Variants in NEDD4L observed in about 807,000 individuals in gnomAD.
The protein encoded by NEDD4L is NEDD4 like E3 ubiquitin protein ligase, also known as E3 ubiquitin-protein ligase NEDD4-like.
Under a neutral mutation model 148.9 loss-of-function variants are expected in NEDD4L, and 54 were observed. The ratio of observed to expected loss-of-function variants is 0.36; its 90% confidence interval spans 0.29 to 0.45. The LOEUF (loss-of-function observed/expected upper bound fraction) is 0.45. Ranked by LOEUF, NEDD4L falls within the 20% of genes least tolerant of loss-of-function variation. The pLI is 1.00. For missense variants in NEDD4L, 856 were observed against 1,233.8 expected (o/e 0.69, Z 4.59); for synonymous variants, 433 against 440.7 (o/e 0.98, Z 0.22).
At chr18:58,231,903 T>C (rs71355688) in intron 2 of NEDD4L, among the ~76,000 whole-genome samples, 15,670 of 152,188 alleles carry the variant, frequency 0.1, 1,059 homozygotes, top group East Asian at 0.36. Flanking sequence ...TCCCACCTAA[T>C]AGAAAGTCGG....
intron 1 of NEDD4L, among the ~76,000 whole-genome samples, chr18:58,158,323 C>T (rs1353664956): frequency 6.6e-6 from 1 of 152,210 alleles, no homozygotes; most frequent in Non-Finnish European, 1.5e-5. Context: ...AAGTCACACA[C>T]TGTCACCTCT....
At chr18:58,084,671 T>TTTTGTGTG (rs1555686018) in intron 1 of NEDD4L, among the ~76,000 whole-genome samples, 23 of 133,824 alleles carry the variant, frequency 1.7e-4, no homozygotes, top group Non-Finnish European at 2.7e-4. Context: ...TGTGGGGTTT[T>TTTTGTGTG]TGTGTGTGTG....
Position 58,390,815 on chromosome 18 carries a change from C to T in NEDD4L, c.2752+73C>T. On this transcript the variant is annotated intron_variant, in intron 29 of 30. Transcript: ENST00000400345. The stretch of plus-strand genomic sequence containing the variant: ...CCAGGCATGAACTCTGGCCCAAGAA[C>T]CCTGCCGCCAGGCCTCTGCAGAAGG... The T allele has an allele frequency of 2.8e-6, 3 of 1,090,770 alleles. No individual in the cohort carries two copies. In the Middle Eastern group the frequency reaches 6.2e-4, roughly 224 times the overall value. The allele number at this position is 1,090,770 out of a possible 1,614,324, so 67.6% of individuals were successfully genotyped here.
intron 2 of NEDD4L, among the ~76,000 whole-genome samples, chr18:58,233,219 A>G (rs529756608): frequency 5.3e-5 from 8 of 151,942 alleles, no homozygotes; most frequent in Admixed American, 1.3e-4. Flanking sequence ...TAATCAAACT[A>G]ATAATAATAA....
At chr18:58,316,147 A>C in intron 6 of NEDD4L, 115 bp downstream of exon 6, 1 of 845,960 alleles carries the variant, frequency 1.2e-6, no homozygotes, top group Admixed American at 2.0e-5. Flanking sequence ...GGCTGAAATG[A>C]AGCACGTGTG....
At chr18:58,072,705 T>C (rs180785994) in intron 1 of NEDD4L, among the ~76,000 whole-genome samples, 122 of 152,330 alleles carry the variant, frequency 8.0e-4, no homozygotes, top group African/African-American at 2.8e-3. Context: ...CTATGTAGCA[T>C]TGTACTGGAG....
chr18:58,107,881 A>AT (rs147525147), intron 1 of NEDD4L, among the ~76,000 whole-genome samples: 2,452 of 149,992 alleles, frequency 0.016, 25 homozygotes, highest in Non-Finnish European at 0.028. Context: ...TGCCCAGCTA[A>AT]TTTTTTTTTT....
intron 1 of NEDD4L, among the ~76,000 whole-genome samples, chr18:58,074,048 G>A (rs2083032786): frequency 6.6e-6 from 1 of 152,120 alleles, no homozygotes; most frequent in Non-Finnish European, 1.5e-5. Flanking sequence ...GGCAGGGTCT[G>A]CTTCCCTGTT....
At chr18:58,212,659 C>T (rs973833886) in intron 2 of NEDD4L, among the ~76,000 whole-genome samples, 1 of 152,028 alleles carries the variant, frequency 6.6e-6, no homozygotes, top group Non-Finnish European at 1.5e-5. Flanking sequence ...TTTGTGGAGA[C>T]GAGGTTTCAC....
At position 58,075,296 on chromosome 18, in the gene NEDD4L, G is replaced by A. The variant is rs570132923; in HGVS notation, c.48+30588G>A. On this transcript the variant is annotated intron_variant, in intron 1 of 30. Coordinates refer to ENST00000400345, the MANE Select transcript of NEDD4L (RefSeq NM_001144967.3). The stretch of plus-strand genomic sequence containing the variant: ...CTCCTGAGTAGCTGGGATTACAGGC[G>A]CACACCACCATGCCCGACTACTTTT... Among the ~76,000 whole-genome samples, 7 of 152,194 alleles carry A rather than the reference G, an allele frequency of 4.6e-5. No individual in the cohort carries two copies. In the East Asian group the frequency reaches 7.7e-4, roughly 17 times the overall value.
chr18:58,047,603 A>G (rs1405131958), intron 1 of NEDD4L: 1 of 666,636 alleles, frequency 1.5e-6, no homozygotes, highest in Admixed American at 6.3e-5. Context: ...CTGGTGAGTT[A>G]TAATTCATAT....
At chr18:58,074,793 A>G (rs191163974) in intron 1 of NEDD4L, among the ~76,000 whole-genome samples, 7 of 152,300 alleles carry the variant, frequency 4.6e-5, no homozygotes, top group African/African-American at 1.7e-4. Flanking sequence ...TATTAAGACA[A>G]GAAGATGAAG....
chr18:58,283,776 C>T (rs1278103468), intron 5 of NEDD4L, among the ~76,000 whole-genome samples: 1 of 152,162 alleles, frequency 6.6e-6, no homozygotes, highest in Non-Finnish European at 1.5e-5. Context: ...ATATGAAATC[C>T]TATCAGTACC....
intron 2 of NEDD4L, among the ~76,000 whole-genome samples, chr18:58,227,611 G>T (rs909672707): frequency 2.0e-5 from 3 of 152,260 alleles, no homozygotes; most frequent in South Asian, 2.1e-4. Context: ...CTAGAAAGAG[G>T]TCTGTCCACA....
rs1600306363 is a variant in NEDD4L at position 58,256,210 on chromosome 18, G to C, written c.297+4156G>C. 1.6e-6 allele frequency: 2 copies of C among 1,221,770 alleles called. No individual in the cohort carries two copies. The highest frequency in any genetic ancestry group is 1.6e-5 in the African/African-American group (1 of 64,052). The allele number at this position is 1,221,770 out of a possible 1,614,324, so 75.7% of individuals were successfully genotyped here. On this transcript the variant is annotated intron_variant, in intron 5 of 30. Coordinates refer to ENST00000400345, the MANE Select transcript of NEDD4L (RefSeq NM_001144967.3). The surrounding 1 kb of genome is among the most constrained non-coding windows in gnomAD (Gnocchi z 5.2). Reference sequence around the variant, plus strand: ...GCGCGGAGGAGGCTGCCCCGGGCCTGCGCATCCAGCACCGCGCCTCCAGCG... The same window carrying C: ...GCGCGGAGGAGGCTGCCCCGGGCCTCCGCATCCAGCACCGCGCCTCCAGCG...
rs1192119071 is a variant in NEDD4L, at chr18:58,400,928, C to T, written c.*4659C>T. ...TACATATATACGTACATATGCTGTC[C>T]AAATATATTTGTATATATTTGTATA... On this transcript the variant is annotated 3_prime_UTR_variant, in exon 31 of 31. Coordinates refer to ENST00000400345, the MANE Select transcript of NEDD4L (RefSeq NM_001144967.3). 1 of 151,972 alleles carries T rather than the reference C, an allele frequency of 6.6e-6. No homozygotes were observed. Among genetic ancestry groups the T allele is most frequent in the African/African-American group, 2.4e-5 (1 of 41,354 alleles). The allele number at this position is 151,972 out of a possible 1,614,324, so 9.4% of individuals were successfully genotyped here.
At chr18:58,309,276 T>C (rs1245748597) in intron 5 of NEDD4L, among the ~76,000 whole-genome samples, 1 of 152,166 alleles carries the variant, frequency 6.6e-6, no homozygotes, top group Non-Finnish European at 1.5e-5. Context: ...GCCACTCCTG[T>C]CATCCCTGCT....
chr18:58,140,365 A>G (rs2033359937), intron 1 of NEDD4L, among the ~76,000 whole-genome samples: 1 of 152,248 alleles, frequency 6.6e-6, no homozygotes, highest in Admixed American at 6.5e-5. Context: ...GCACAAGGAA[A>G]TACATAATGT....
chr18:58,386,340 C>A (rs549979109), intron 26 of NEDD4L, among the ~76,000 whole-genome samples: 1 of 152,202 alleles, frequency 6.6e-6, no homozygotes. Context: ...CATGAGCCGC[C>A]GCGCCCAGCC....
Sources: gnomAD v4.1 joint callset for allele counts (sites outside exome capture counted in the v4.1 genomes callset) on GRCh38, gnomAD v4.1.1 for gene constraint, Gnocchi (gnomAD v3.1) non-coding constraint, MANE v1.5 for transcripts, NCBI Gene and HGNC (gene_info 2026-07-23, HGNC 2026-07-21) for gene names.